Variants in CCDC178 observed in about 807,000 individuals in gnomAD.
CCDC178 encodes the protein coiled-coil domain containing 178.
Under a neutral mutation model 117.4 loss-of-function variants are expected in CCDC178, and 126 were observed. The ratio of observed to expected loss-of-function variants is 1.07; its 90% CI spans 0.93 to 1.24. The LOEUF is 1.24. CCDC178 is among the 50% of genes most tolerant of loss of function. The pLI is 0.00. For synonymous variants in CCDC178, 283 were observed against 313.4 expected (o/e 0.90, Z 1.02); for missense variants, 1,030 against 986.9 (o/e 1.04, Z -0.59).
intron 11 of CCDC178, among the ~76,000 whole-genome samples, chr18:33,295,760 C>A (rs2062098378): frequency 3.3e-5 from 5 of 151,952 alleles, no homozygotes; most frequent in Admixed American, 3.3e-4. Flanking sequence ...CTTACTAGTC[C>A]AGGCTGAAAT....
chr18:33,113,442 TC>T (rs747664440), intron 20 of CCDC178, among the ~76,000 whole-genome samples: 70 of 152,088 alleles, frequency 4.6e-4, no homozygotes, highest in Admixed American at 1.5e-3. Flanking sequence ...AACTTTGGAA[TC>T]AATAAAATAA....
chr18:33,356,137 G>C (rs983432512), intron 7 of CCDC178, among the ~76,000 whole-genome samples, 187 bp downstream of exon 7: 3 of 152,066 alleles, frequency 2.0e-5, no homozygotes, highest in Admixed American at 6.6e-5. Context: ...GAGCTCTGGA[G>C]ATCTCTAGTT....
intron 12 of CCDC178, among the ~76,000 whole-genome samples, chr18:33,290,613 G>A (rs532109198): frequency 2.8e-4 from 42 of 152,096 alleles, no homozygotes; most frequent in Non-Finnish European, 4.7e-4. Context: ...AGATAATCCT[G>A]AAACCTATAT....
chr18:32,945,032 A>G, intron 22 of CCDC178, among the ~76,000 whole-genome samples: 1 of 152,208 alleles, frequency 6.6e-6, no homozygotes, highest in East Asian at 1.9e-4. Context: ...AAAACAGAAT[A>G]ATACAAATAA....
At position 33,238,486 on chromosome 18, in the gene CCDC178, G is replaced by A. The variant is rs75009037; in HGVS notation, c.1593+6759C>T. Among the ~76,000 whole-genome samples the A allele has an allele frequency of 3.8e-3, 575 of 151,908 alleles. 39 individuals are homozygous for A. In the East Asian group the frequency reaches 0.097, roughly 26 times the overall value. ...AAGAACCAAACAGAAAACTAGAGCT[G>A]AATAATATGGTAAATGAAATAAAAA... On this transcript the variant is annotated intron_variant, in intron 15 of 22. Coordinates refer to ENST00000383096, the MANE Select transcript of CCDC178 (RefSeq NM_001105528.4).
chr18:33,168,328 T>C (rs1373684512), intron 20 of CCDC178, among the ~76,000 whole-genome samples: 1 of 152,160 alleles, frequency 6.6e-6, no homozygotes, highest in Non-Finnish European at 1.5e-5. Context: ...CAGCACCATT[T>C]GTTGAATAGA....
At chr18:33,327,552 A>G (rs1413297330) in intron 10 of CCDC178, among the ~76,000 whole-genome samples, 1 of 152,164 alleles carries the variant, frequency 6.6e-6, no homozygotes, top group Non-Finnish European at 1.5e-5. Context: ...TAGCGGCTGC[A>G]CTATTTTTGC....
chr18:33,253,676 A>C (rs1463343065), intron 14 of CCDC178, among the ~76,000 whole-genome samples: 1 of 151,856 alleles, frequency 6.6e-6, no homozygotes, highest in Non-Finnish European at 1.5e-5. Context: ...TTTTTGAAGT[A>C]GGTTTTGTGT....
intron 10 of CCDC178, among the ~76,000 whole-genome samples, chr18:33,331,025 G>GTTTTTT (rs1315738648): frequency 1.8e-5 from 1 of 55,168 alleles, no homozygotes; most frequent in African/African-American, 1.3e-4. Flanking sequence ...CACAAACATT[G>GTTTTTT]CTTTTTTTTT....
chr18:33,397,154 T>C lies in CCDC178; in HGVS notation c.113A>G (p.Asn38Ser). The stretch of plus-strand genomic sequence containing the variant: ...ATATAATAGCTGTTGGATACCTTCA[T>C]TTGTCCTTGACCATGCCTTCTCTCT... Reference protein sequence around the residue: ...ALREKAWSRTNEGNAMSQSLV... With the variant: ...ALREKAWSRTSEGNAMSQSLV... The change falls in exon 4 of 23, where the codon AAT becomes AGT. Residue 38 changes from asparagine to serine, a missense_variant. Coordinates refer to ENST00000383096, the MANE Select transcript of CCDC178 (RefSeq NM_001105528.4). 6.3e-7 allele frequency: 1 copy of C among 1,598,526 alleles called. No individual in the cohort carries two copies. The highest frequency in any genetic ancestry group is 8.6e-7 in the Non-Finnish European group (1 of 1,167,498).
chr18:32,959,450 T>C (rs182137950), intron 22 of CCDC178, among the ~76,000 whole-genome samples: 7 of 152,282 alleles, frequency 4.6e-5, no homozygotes, highest in Admixed American at 4.6e-4. Flanking sequence ...CTCTATAACA[T>C]GCCATTCTCA....
At chr18:33,051,352 G>A (rs1057340297) in intron 21 of CCDC178, among the ~76,000 whole-genome samples, 5 of 152,192 alleles carry the variant, frequency 3.3e-5, no homozygotes, top group African/African-American at 1.2e-4. Context: ...CAAATATCCT[G>A]ATGAAGGCGA....
chr18:33,122,052 T>C (rs2057943912), intron 20 of CCDC178, among the ~76,000 whole-genome samples: 1 of 152,174 alleles, frequency 6.6e-6, no homozygotes, highest in Non-Finnish European at 1.5e-5. Flanking sequence ...GTATACTTAC[T>C]CTACTATGTT....
chr18:33,304,589 A>C (rs574666892), intron 11 of CCDC178, among the ~76,000 whole-genome samples: 1 of 152,332 alleles, frequency 6.6e-6, no homozygotes, highest in African/African-American at 2.4e-5. Flanking sequence ...TCCCCAACAT[A>C]ATGCCTACAT....
rs545750361 is a variant in CCDC178 at position 32,937,881 on chromosome 18, G to A, written c.*130C>T. ...GTAAAAGAGTGGCAAAGCATGCTGG[G>A]AGGTGAGTGAGTTTTTCGTTCATGG... On this transcript the variant is annotated 3_prime_UTR_variant, in exon 23 of 23. Coordinates refer to ENST00000383096, the MANE Select transcript of CCDC178 (RefSeq NM_001105528.4). 1.5e-6 allele frequency: 1 copy of A among 674,094 alleles called. No individual in the cohort carries two copies. The highest frequency in any genetic ancestry group is 2.7e-6 in the Non-Finnish European group (1 of 373,598). The allele number at this position is 674,094 out of a possible 1,614,324, so 41.8% of individuals were successfully genotyped here.
In CCDC178 at chr18:32,937,963, A is replaced by G. The variant is rs1350070998; in HGVS notation, c.*48T>C. The stretch of plus-strand genomic sequence containing the variant: ...ATTACACTGTTATCTGAACTGTGTG[A>G]CTTTTCTTGTCTTTTATTTCAGCAT... On this transcript the variant is annotated 3_prime_UTR_variant, in exon 23 of 23. Coordinates refer to ENST00000383096, the MANE Select transcript of CCDC178 (RefSeq NM_001105528.4). The G allele has an allele frequency of 7.1e-7, 1 of 1,410,930 alleles. No individual in the cohort carries two copies. The highest frequency in any genetic ancestry group is 1.2e-5 in the South Asian group (1 of 86,814). The allele number at this position is 1,410,930 out of a possible 1,614,324, so 87.4% of individuals were successfully genotyped here.
Position 33,333,189 on chromosome 18 carries a change from A to G in CCDC178, c.864T>C (p.Tyr288=). 6.4e-7 allele frequency: 1 copy of G among 1,563,068 alleles called. No individual in the cohort carries two copies. The highest frequency in any genetic ancestry group is 1.7e-4 in the Middle Eastern group (1 of 5,786). The change falls in exon 10 of 23, where the codon TAT becomes TAC. Residue 288 remains tyrosine, a synonymous_variant. Coordinates refer to ENST00000383096, the MANE Select transcript of CCDC178 (RefSeq NM_001105528.4). The stretch of plus-strand genomic sequence containing the variant: ...GTTTATTTACCTCCATTTTTTTTTT[A>G]TAATGGTTCTTCAGATCTTGAAGTT... ...NQELQDLKNH[Y]KKKMEVMDLH... is the part of the protein sequence containing the mutation.
At chr18:33,109,296 A>C (rs2057749081) in intron 20 of CCDC178, among the ~76,000 whole-genome samples, 1 of 151,726 alleles carries the variant, frequency 6.6e-6, no homozygotes, top group Non-Finnish European at 1.5e-5. Flanking sequence ...TAAACTTGTC[A>C]AATTGCTTAA....
In CCDC178 at chr18:33,215,713, C is replaced by T. The variant is rs1568062525; in HGVS notation, c.1933-18G>A. ...CGTTTACTCTGAAAAAAAATATACA[C>T]AAGTGTTTATTTTAAATACTTGGAT... is the stretch of plus-strand genomic sequence containing the variant. On this transcript the variant is annotated intron_variant, in intron 18 of 22. Transcript: ENST00000383096. 6.8e-7 allele frequency: 1 copy of T among 1,469,482 alleles called. No homozygotes were observed. Among genetic ancestry groups the T allele is most frequent in the East Asian group, 2.6e-5 (1 of 38,146 alleles). 91.0% of individuals were successfully genotyped at this position (1,469,482 alleles called of 1,614,324 possible). A position where few individuals can be genotyped will look rare whatever the true frequency, so the allele number is the denominator to read the frequency against.
Sources: allele counts gnomAD v4.1 joint callset (sites outside exome capture counted in the v4.1 genomes callset), GRCh38; gene constraint gnomAD v4.1.1; transcripts MANE v1.5; gene names NCBI Gene and HGNC (gene_info 2026-07-23, HGNC 2026-07-21).